PCDH11X: variants seen among roughly 807,000 people sequenced by gnomAD.
PCDH11X encodes protocadherin-11 X-linked.
In PCDH11X, 18 loss-of-function variants were observed where a neutral mutation model predicts 53.3. The ratio of observed to expected loss-of-function variants is 0.34; its 90% CI spans 0.23 to 0.50. PCDH11X has a LOEUF of 0.50. Among genes scored for constraint, PCDH11X ranks in the 20% least tolerant of loss-of-function variants. PCDH11X has a pLI of 0.98. For missense variants in PCDH11X, 570 were observed against 1,032.4 expected, an observed-to-expected ratio of 0.55 and a Z score of 6.14; for synonymous variants, 279 against 393.3, an observed-to-expected ratio of 0.71 and a Z score of 3.44.
At chrX:92,255,896 T>C (rs62598498) in intron 7 of PCDH11X, among the ~76,000 whole-genome samples, 5,859 of 112,443 alleles carry the variant, frequency 0.052, 214 homozygotes, top group East Asian at 0.23. Context: ...TGTTTGTCTA[T>C]GCCCTGCCCC....
At chrX:92,246,856 C>T (rs892391198) in intron 7 of PCDH11X, among the ~76,000 whole-genome samples, 2 of 111,134 alleles carry the variant, frequency 1.8e-5, no homozygotes, top group African/African-American at 6.5e-5. Flanking sequence ...AAATAGTTGA[C>T]GTATAAGAAG....
chrX:91,895,179 C>T (rs1030333431), intron 6 of PCDH11X, among the ~76,000 whole-genome samples: 4 of 111,635 alleles, frequency 3.6e-5, no homozygotes, highest in Non-Finnish European at 7.5e-5. Flanking sequence ...GTCAAATCAC[C>T]TGAACTCTCT....
At chrX:91,942,568 A>G (rs1376904702) in intron 6 of PCDH11X, among the ~76,000 whole-genome samples, 1 of 110,735 alleles carries the variant, frequency 9.0e-6, no homozygotes, top group African/African-American at 3.3e-5. Flanking sequence ...CCTTGTTTAA[A>G]ACCTTCCCAC....
chrX:92,099,503 C>T (rs1218872179), intron 6 of PCDH11X, among the ~76,000 whole-genome samples: 5 of 110,756 alleles, frequency 4.5e-5, no homozygotes, highest in Non-Finnish European at 9.4e-5. Flanking sequence ...ATTAAATTCT[C>T]TAAAATTGAA....
chrX:92,245,429 C>A (rs928684934), intron 7 of PCDH11X, among the ~76,000 whole-genome samples: 1 of 112,289 alleles, frequency 8.9e-6, no homozygotes, highest in Non-Finnish European at 1.9e-5. Context: ...TTCTGAGAGA[C>A]AAAATTATAC....
At chrX:92,042,022 G>T (rs1391178703) in intron 6 of PCDH11X, among the ~76,000 whole-genome samples, 1 of 111,512 alleles carries the variant, frequency 9.0e-6, no homozygotes, top group Non-Finnish European at 1.9e-5. Flanking sequence ...GTGAGACATG[G>T]GATTATTGAT....
chrX:92,264,880 AT>A lies in PCDH11X; in HGVS notation c.3144+1754del, dbSNP rs36145079. 4.7e-3 allele frequency among the ~76,000 whole-genome samples: 408 copies of A among 87,727 alleles called. 1 individual carries two copies. Among genetic ancestry groups the A allele is most frequent in the South Asian group, 0.022 (34 of 1,562 alleles). The allele number at this position is 87,727 out of a possible 115,157, so 76.2% of individuals were successfully genotyped here. On this transcript the variant is annotated intron_variant, in intron 8 of 10. Transcript: ENST00000682573. ...AAAAAGAGGTTCTTAGTGAAGGACA[AT>A]TTTTTTTTTTTTTTTTGTCAAATAA...
At chrX:92,278,353 G>A (rs1049330731) in intron 8 of PCDH11X, among the ~76,000 whole-genome samples, 1 of 112,009 alleles carries the variant, frequency 8.9e-6, no homozygotes, top group Admixed American at 9.4e-5. Flanking sequence ...CTGAGTCACA[G>A]CACCAAATTT....
intron 8 of PCDH11X, among the ~76,000 whole-genome samples, chrX:92,317,848 T>G (rs984676912): frequency 7.2e-5 from 8 of 111,414 alleles, no homozygotes; most frequent in African/African-American, 2.3e-4. Flanking sequence ...AGAAGAATAA[T>G]AATTACCTTC....
chrX:92,192,726 A>G (rs2148310144), intron 6 of PCDH11X, among the ~76,000 whole-genome samples: 1 of 109,321 alleles, frequency 9.1e-6, no homozygotes, highest in Non-Finnish European at 1.9e-5. Context: ...GGGTTATACA[A>G]CTTTTGTGGT....
At chrX:91,994,921 T>C (rs2062388060) in intron 6 of PCDH11X, among the ~76,000 whole-genome samples, 1 of 111,869 alleles carries the variant, frequency 8.9e-6, no homozygotes, top group Non-Finnish European at 1.9e-5. Context: ...CATTTTCATG[T>C]GCTTGTTAGC....
chrX:92,610,470 A>G (rs1381406070), intron 10 of PCDH11X, among the ~76,000 whole-genome samples: 5 of 110,222 alleles, frequency 4.5e-5, no homozygotes, highest in African/African-American at 1.3e-4. Context: ...TTGTTTGTTT[A>G]TGTTCTCTAC....
chrX:92,253,790 G>T (rs1403404512), intron 7 of PCDH11X, among the ~76,000 whole-genome samples: 1 of 111,673 alleles, frequency 9.0e-6, no homozygotes, highest in African/African-American at 3.3e-5. Flanking sequence ...TGTTCATTTT[G>T]AATCCTGCAA....
intron 6 of PCDH11X, among the ~76,000 whole-genome samples, chrX:91,918,091 T>C (rs1393963602): frequency 9.7e-6 from 1 of 103,438 alleles, no homozygotes; most frequent in Non-Finnish European, 2.0e-5. Context: ...TCTAAAAAAA[T>C]GAATGTGTAT....
Position 91,877,510 on chromosome X carries a change from C to A in PCDH11X, c.1270C>A (p.Leu424Ile). ...GTTCCTCCTGGAGACTGCAGCATAT[C>A]TTGACTATGAGTCCACAAAAGAATA... ...NQFLLETAAYLDYESTKEYAI... is the reference protein window; with the variant it reads ...NQFLLETAAYIDYESTKEYAI... The change falls in exon 6 of 11, where the codon CTT (leucine) becomes ATT (isoleucine). Residue 424 changes from leucine (L) to isoleucine (I), a missense_variant. Leu to Ile is a conservative substitution (Grantham distance 5). This residue lies in a region of PCDH11X where 226 missense variants were observed against 457.5 expected (regional missense o/e 0.49). Transcript: ENST00000682573. 8.3e-7 allele frequency: 1 copy of A among 1,211,421 alleles called. No homozygotes were observed. The highest frequency in any genetic ancestry group is 1.1e-6 in the Non-Finnish European group (1 of 895,416).
chrX:91,888,593 G>T (rs1271894591), intron 6 of PCDH11X, among the ~76,000 whole-genome samples: 4 of 109,954 alleles, frequency 3.6e-5, no homozygotes, highest in Non-Finnish European at 3.8e-5. Context: ...GGGTTGTGGG[G>T]GAGGTTGCAG....
At chrX:92,417,084 A>G (rs1346676064) in intron 9 of PCDH11X, among the ~76,000 whole-genome samples, 1 of 111,204 alleles carries the variant, frequency 9.0e-6, no homozygotes, top group Admixed American at 9.6e-5. Flanking sequence ...CCTCCCCTGA[A>G]TGATGCTGTA....
intron 6 of PCDH11X, among the ~76,000 whole-genome samples, chrX:91,956,287 C>T (rs1438762124): frequency 9.0e-6 from 1 of 111,076 alleles, no homozygotes; most frequent in East Asian, 2.8e-4. Flanking sequence ...GAATTTGATC[C>T]TGCCATCATG....
chrX:92,086,632 T>C (rs1038459311), intron 6 of PCDH11X, among the ~76,000 whole-genome samples: 3 of 111,872 alleles, frequency 2.7e-5, no homozygotes, highest in African/African-American at 9.7e-5. Context: ...TTTATGGTTT[T>C]GTGCAATAGA....
Sources: gnomAD v4.1 joint callset for allele counts (sites outside exome capture counted in the v4.1 genomes callset) on GRCh38, gnomAD v4.1.1 for gene constraint, gnomAD v4.1.1 regional missense constraint, MANE v1.5 for transcripts, NCBI Gene and HGNC (gene_info 2026-07-23, HGNC 2026-07-21) for gene names.